The following RORA variants were observed in gnomAD, a reference collection of about 807,000 sequenced individuals.
RORA encodes the protein nuclear receptor ROR-alpha.
Under a neutral mutation model 69.5 loss-of-function variants are expected in RORA, and 7 were observed. The observed-to-expected ratio is 0.10, with a 90% CI of 0.06 to 0.19. RORA has a LOEUF of 0.19. RORA is among the 10% of genes least tolerant of loss of function. The pLI is 1.00. For synonymous variants in RORA, 261 were observed against 240.8 expected (o/e 1.08, Z -0.78); for missense variants, 457 against 663.0 (o/e 0.69, Z 3.41).
At chr15:60,581,916 A>G (rs1381393428) in intron 2 of RORA, among the ~76,000 whole-genome samples, 1 of 152,226 alleles carries the variant, frequency 6.6e-6, no homozygotes, top group African/African-American at 2.4e-5. Context: ...GCTTGCTAAT[A>G]AACTGCAGAC....
intron 1 of RORA, among the ~76,000 whole-genome samples, chr15:60,846,480 G>C (rs749228150): frequency 1.3e-5 from 2 of 152,146 alleles, no homozygotes; most frequent in Non-Finnish European, 2.9e-5. Flanking sequence ...TTATCAGAGG[G>C]AAACATTCCA....
chr15:61,196,057 G>T (rs2140920962), intron 1 of RORA: 1 of 152,292 alleles, frequency 6.6e-6, no homozygotes, highest in East Asian at 1.9e-4. Flanking sequence ...GGCCCCTAAG[G>T]CCTCACTGCT....
chr15:60,681,365 G>A (rs2070639999), intron 1 of RORA, among the ~76,000 whole-genome samples: 1 of 152,160 alleles, frequency 6.6e-6, no homozygotes, highest in African/African-American at 2.4e-5. Flanking sequence ...ACTCCTTGGA[G>A]CATACCACTC....
chr15:60,829,785 T>C (rs938493785), intron 1 of RORA, among the ~76,000 whole-genome samples: 1 of 152,224 alleles, frequency 6.6e-6, no homozygotes, highest in Admixed American at 6.5e-5. Context: ...CTTCCGTTCA[T>C]TGGTAAATTC....
At chr15:60,949,363 T>A (rs1048255528) in intron 1 of RORA, among the ~76,000 whole-genome samples, 6 of 152,042 alleles carry the variant, frequency 3.9e-5, no homozygotes. Context: ...AGATAAAACC[T>A]CTCAATATGG....
chr15:60,987,972 T>C (rs986819119), intron 1 of RORA, among the ~76,000 whole-genome samples: 3 of 152,188 alleles, frequency 2.0e-5, no homozygotes, highest in African/African-American at 7.2e-5. Flanking sequence ...ATCCCACTCA[T>C]ATCGCTGGTC....
intron 1 of RORA, among the ~76,000 whole-genome samples, chr15:60,845,892 G>A (rs773926767): frequency 2.0e-4 from 30 of 152,100 alleles, no homozygotes; most frequent in Non-Finnish European, 3.8e-4. Context: ...GACTACAGGT[G>A]CCTGCCACCA....
At chr15:61,024,023 C>T (rs1365158420) in intron 1 of RORA, among the ~76,000 whole-genome samples, 3 of 152,106 alleles carry the variant, frequency 2.0e-5, no homozygotes, top group Non-Finnish European at 4.4e-5. Context: ...AATGCATGAA[C>T]GAGTGTTGGG....
At chr15:60,843,358 T>C (rs1354555651) in intron 1 of RORA, among the ~76,000 whole-genome samples, 1 of 152,150 alleles carries the variant, frequency 6.6e-6, no homozygotes, top group Non-Finnish European at 1.5e-5. Context: ...TCCAGGTACC[T>C]CATTTTACAG....
intron 1 of RORA, among the ~76,000 whole-genome samples, chr15:60,745,288 C>A (rs1345379126): frequency 1.3e-5 from 2 of 152,232 alleles, no homozygotes; most frequent in Admixed American, 6.5e-5. Flanking sequence ...AGGCTGAAGC[C>A]AAGAGCCCAC....
chr15:61,147,582 T>A lies in RORA; in HGVS notation c.166+81471A>T. Among the ~76,000 whole-genome samples the A allele has an allele frequency of 6.6e-6, 1 of 152,194 alleles. No individual in the cohort carries two copies. The highest frequency in any genetic ancestry group is 1.9e-4 in the East Asian group (1 of 5,192). Reference sequence around the variant, plus strand: ...AAGATGAAATTATTTGAGGAGAAAGTTAGCTGTCCATCAGTAACTTCTTCC... The same window carrying A: ...AAGATGAAATTATTTGAGGAGAAAGATAGCTGTCCATCAGTAACTTCTTCC... On this transcript the variant is annotated intron_variant, in intron 1 of 10. Transcript: ENST00000335670. The surrounding 1 kb of genome is among the most constrained non-coding windows in gnomAD (Gnocchi z 4.1).
At chr15:61,112,665 G>A (rs1312244853) in intron 1 of RORA, among the ~76,000 whole-genome samples, 1 of 152,188 alleles carries the variant, frequency 6.6e-6, no homozygotes, top group East Asian at 1.9e-4. Context: ...CCGCAAGCCA[G>A]GCTCTGTGCT....
chr15:60,862,832 CTG>C (rs2140426729), intron 1 of RORA, among the ~76,000 whole-genome samples: 1 of 152,270 alleles, frequency 6.6e-6, no homozygotes, highest in Non-Finnish European at 1.5e-5. Context: ...ATTTGTGTAA[CTG>C]TTCAATTAGG....
At chr15:61,105,001 C>T (rs1034289994) in intron 1 of RORA, among the ~76,000 whole-genome samples, 36 of 143,548 alleles carry the variant, frequency 2.5e-4, no homozygotes, top group African/African-American at 3.5e-4. Flanking sequence ...AGGCGCCCCC[C>T]CCACCGCCCA....
intron 1 of RORA, among the ~76,000 whole-genome samples, chr15:61,056,957 G>A (rs782954): frequency 0.96 from 145,524 of 152,342 alleles, 69,553 homozygotes; most frequent in Middle Eastern, 0.97. Context: ...ATGAAAAGGC[G>A]ATGCCTTTAA....
intron 1 of RORA, among the ~76,000 whole-genome samples, chr15:60,691,359 C>T (rs2070821810): frequency 1.3e-5 from 2 of 152,192 alleles, no homozygotes; most frequent in African/African-American, 4.8e-5. Flanking sequence ...ATTCTTGAAG[C>T]AGGGACTTCC....
chr15:61,152,861 G>A (rs949236326), intron 1 of RORA, among the ~76,000 whole-genome samples: 4 of 152,204 alleles, frequency 2.6e-5, no homozygotes, highest in African/African-American at 9.6e-5. Context: ...AATAATGCAG[G>A]TCTGGACAAA....
intron 1 of RORA, among the ~76,000 whole-genome samples, chr15:61,156,608 T>C (rs536403787): frequency 3.9e-5 from 6 of 152,114 alleles, no homozygotes; most frequent in Admixed American, 3.9e-4. Flanking sequence ...AGAAGCACTC[T>C]GAGAAGGAGG....
chr15:60,847,480 C>A (rs1049807964), intron 1 of RORA, among the ~76,000 whole-genome samples: 1 of 151,892 alleles, frequency 6.6e-6, no homozygotes, highest in Non-Finnish European at 1.5e-5. Context: ...CCATATGTTC[C>A]GTGACAATGC....
Sources: gnomAD v4.1 joint callset for allele counts (sites outside exome capture counted in the v4.1 genomes callset) on GRCh38, gnomAD v4.1.1 for gene constraint, Gnocchi (gnomAD v3.1) non-coding constraint, MANE v1.5 for transcripts, NCBI Gene and HGNC (gene_info 2026-07-23, HGNC 2026-07-21) for gene names.